NRXN1: variants seen among roughly 807,000 people sequenced by gnomAD.
NRXN1 encodes neurexin-1.
Under a neutral mutation model 150.9 loss-of-function variants are expected in NRXN1, and 39 were observed. The ratio of observed to expected loss-of-function variants is 0.26; its 90% CI spans 0.20 to 0.34. NRXN1 has a LOEUF of 0.34. Among genes scored for constraint, NRXN1 ranks in the 10% least tolerant of loss-of-function variants. NRXN1 has a pLI of 1.00. For missense variants in NRXN1, 1,815 were observed against 1,949.9 expected (o/e 0.93, Z 1.30); for synonymous variants, 924 against 757.0 (o/e 1.22, Z -3.62).
At chr2:50,112,622 G>C (rs533233657) in intron 18 of NRXN1, among the ~76,000 whole-genome samples, 114 of 152,272 alleles carry the variant, frequency 7.5e-4, no homozygotes, top group Admixed American at 2.2e-3. Flanking sequence ...GATTCCATGA[G>C]GGTGCAAGGG....
chr2:50,564,509 T>C (rs1669570227), intron 8 of NRXN1, among the ~76,000 whole-genome samples: 1 of 152,186 alleles, frequency 6.6e-6, no homozygotes, highest in South Asian at 2.1e-4. Flanking sequence ...CAAATAGTAT[T>C]TTTAAAGTAA....
chr2:50,232,116 C>T (rs1034031719), intron 18 of NRXN1, among the ~76,000 whole-genome samples: 5 of 151,926 alleles, frequency 3.3e-5, no homozygotes, highest in Non-Finnish European at 4.4e-5. Flanking sequence ...CAGAAAAATA[C>T]CAAGAAATAC....
intron 21 of NRXN1, among the ~76,000 whole-genome samples, chr2:50,033,176 C>G (rs929446707): frequency 1.4e-4 from 22 of 151,808 alleles, no homozygotes; most frequent in Non-Finnish European, 2.2e-4. Context: ...TTTCCCAGTC[C>G]TAAGCAAAAA....
At chr2:50,199,440 G>A (rs1383386447) in intron 18 of NRXN1, among the ~76,000 whole-genome samples, 1 of 151,820 alleles carries the variant, frequency 6.6e-6, no homozygotes, top group African/African-American at 2.4e-5. Context: ...GAATGTAAAA[G>A]GATTATGGTT....
intron 17 of NRXN1, among the ~76,000 whole-genome samples, chr2:50,331,155 G>C (rs1401335857): frequency 2.0e-5 from 3 of 151,964 alleles, no homozygotes; most frequent in African/African-American, 7.2e-5. Flanking sequence ...AATTGGAAAA[G>C]ACATTATAAA....
intron 2 of NRXN1, among the ~76,000 whole-genome samples, chr2:50,984,737 T>C (rs756219765): frequency 1.9e-4 from 29 of 152,094 alleles, no homozygotes; most frequent in Non-Finnish European, 3.4e-4. Context: ...TGTGCCCTTT[T>C]TTAGCCAAAA....
chr2:50,574,397 G>C (rs906327860), intron 8 of NRXN1, among the ~76,000 whole-genome samples: 1 of 151,936 alleles, frequency 6.6e-6, no homozygotes, highest in Non-Finnish European at 1.5e-5. Context: ...CCGTCTTCAA[G>C]GACTTTTCAA....
At chr2:50,495,079 A>G (rs2091488498) in intron 15 of NRXN1, among the ~76,000 whole-genome samples, 1 of 151,584 alleles carries the variant, frequency 6.6e-6, no homozygotes, top group African/African-American at 2.4e-5. Flanking sequence ...CCAGTTTCCT[A>G]ACTCCCCTCC....
intron 2 of NRXN1, among the ~76,000 whole-genome samples, chr2:50,955,654 A>G (rs1236712611): frequency 6.6e-6 from 1 of 152,224 alleles, no homozygotes; most frequent in Non-Finnish European, 1.5e-5. Flanking sequence ...CATTTATGCC[A>G]GACAGTTAGA....
chr2:50,735,803 G>A (rs566557238), intron 5 of NRXN1, among the ~76,000 whole-genome samples: 1 of 152,182 alleles, frequency 6.6e-6, no homozygotes, highest in African/African-American at 2.4e-5. Context: ...TATCTCCACT[G>A]TTATTGATAG....
At chr2:50,158,713 C>A (rs556430483) in intron 18 of NRXN1, among the ~76,000 whole-genome samples, 1 of 152,168 alleles carries the variant, frequency 6.6e-6, no homozygotes, top group East Asian at 1.9e-4. Context: ...ATGGCATCAC[C>A]AGTGGAATAT....
At chr2:50,939,042 T>G (rs1688980474) in intron 2 of NRXN1, among the ~76,000 whole-genome samples, 1 of 151,762 alleles carries the variant, frequency 6.6e-6, no homozygotes, top group African/African-American at 2.4e-5. Context: ...AAACCCTGTC[T>G]CTACTAAAAA....
intron 17 of NRXN1, among the ~76,000 whole-genome samples, chr2:50,302,306 A>T (rs1447758891): frequency 2.0e-5 from 3 of 152,212 alleles, no homozygotes; most frequent in East Asian, 3.8e-4. Flanking sequence ...TGCTTTAGAT[A>T]ACTTTAATTA....
chr2:49,960,347 G>A (rs776565573), intron 21 of NRXN1, among the ~76,000 whole-genome samples: 2 of 152,080 alleles, frequency 1.3e-5, no homozygotes, highest in East Asian at 1.9e-4. Context: ...TTATGCAAAT[G>A]TAGAGATCTA....
At chr2:50,205,889 A>G (rs952942964) in intron 18 of NRXN1, among the ~76,000 whole-genome samples, 1 of 152,088 alleles carries the variant, frequency 6.6e-6, no homozygotes, top group Non-Finnish European at 1.5e-5. Context: ...TTTATATGAC[A>G]TGTCCAGAAT....
chr2:50,448,774 C>T (rs1040017727), intron 17 of NRXN1, among the ~76,000 whole-genome samples: 7 of 152,102 alleles, frequency 4.6e-5, no homozygotes, highest in African/African-American at 1.7e-4. Context: ...GCCGACAATC[C>T]AGATCATAAT....
chr2:50,458,661 C>A (rs2104590422), intron 17 of NRXN1, among the ~76,000 whole-genome samples: 1 of 151,750 alleles, frequency 6.6e-6, no homozygotes, highest in Non-Finnish European at 1.5e-5. Flanking sequence ...CTCACTGCAA[C>A]CTCCTCCTCT....
intron 18 of NRXN1, among the ~76,000 whole-genome samples, chr2:50,177,806 TCTCTC>T (rs2060447436): frequency 1.6e-5 from 2 of 123,052 alleles, no homozygotes; most frequent in Non-Finnish European, 1.7e-5. Context: ...TCTCTCTCTC[TCTCTC>T]CTCCTCTCCC....
chr2:50,279,313 T>C (rs1044051784), intron 17 of NRXN1, among the ~76,000 whole-genome samples: 17 of 152,192 alleles, frequency 1.1e-4, no homozygotes, highest in African/African-American at 3.6e-4. Flanking sequence ...TCAATCTAAA[T>C]AATAACAGCT....
Sources: gnomAD v4.1 joint callset for allele counts (sites outside exome capture counted in the v4.1 genomes callset) on GRCh38, gnomAD v4.1.1 for gene constraint, MANE v1.5 for transcripts, NCBI Gene and HGNC (gene_info 2026-07-23, HGNC 2026-07-21) for gene names.